Variants in UBE2E2 observed in about 807,000 individuals in gnomAD.
The protein encoded by UBE2E2 is ubiquitin-conjugating enzyme E2 E2.
In UBE2E2, 6 loss-of-function variants were observed where a neutral mutation model predicts 24.7. The observed-to-expected ratio is 0.24, with a 90% CI of 0.13 to 0.48. UBE2E2 has a LOEUF of 0.48. Among genes scored for constraint, UBE2E2 ranks in the 20% least tolerant of loss-of-function variants. The pLI is 0.99. For synonymous variants in UBE2E2, 104 were observed against 83.6 expected, an observed-to-expected ratio of 1.24 and a Z score of -1.33; for missense variants, 169 against 245.0, an observed-to-expected ratio of 0.69 and a Z score of 2.07.
chr3:23,285,883 A>G (rs1047762420), intron 3 of UBE2E2, among the ~76,000 whole-genome samples: 1 of 152,124 alleles, frequency 6.6e-6, no homozygotes, highest in African/African-American at 2.4e-5. Flanking sequence ...TTTTTAGTCA[A>G]GAGGGGTTTC....
At chr3:23,388,552 A>AT (rs1696860182) in intron 3 of UBE2E2, among the ~76,000 whole-genome samples, 2 of 152,108 alleles carry the variant, frequency 1.3e-5, no homozygotes, top group South Asian at 2.1e-4. Flanking sequence ...TATATGTAGC[A>AT]TTTTTTCATT....
intron 4 of UBE2E2, among the ~76,000 whole-genome samples, chr3:23,507,339 A>G (rs544115396): frequency 6.6e-6 from 1 of 152,150 alleles, no homozygotes; most frequent in East Asian, 1.9e-4. Context: ...TTGGTGTTAT[A>G]TATTTCTTTG....
intron 3 of UBE2E2, among the ~76,000 whole-genome samples, chr3:23,351,265 C>G (rs1418308291): frequency 6.6e-6 from 1 of 152,106 alleles, no homozygotes; most frequent in Non-Finnish European, 1.5e-5. Context: ...ACAACCGGTA[C>G]CAGCCACTGC....
chr3:23,226,354 T>C (rs935643910), intron 3 of UBE2E2, among the ~76,000 whole-genome samples: 1 of 152,220 alleles, frequency 6.6e-6, no homozygotes, highest in South Asian at 2.1e-4. Flanking sequence ...TTGTCACTAA[T>C]TATTTTTCTT....
At position 23,591,741 on chromosome 3, in the gene UBE2E2, G is replaced by A. The variant is rs545993204; in HGVS notation, c.*1910G>A. 6.6e-5 allele frequency: 10 copies of A among 152,322 alleles called. No homozygotes were observed. The highest frequency in any genetic ancestry group is 1.9e-4 in the African/African-American group (8 of 41,576). 9.4% of individuals were successfully genotyped at this position (152,322 alleles called of 1,614,324 possible). A position where few individuals can be genotyped will look rare whatever the true frequency, so the allele number is the denominator to read the frequency against. On this transcript the variant is annotated 3_prime_UTR_variant, in exon 6 of 6. Transcript: ENST00000396703. ...GGGGGCTGGATGAAAAACAAATAAC[G>A]ATGTGTCATTTCTTTCTTTAACATA...
rs1697750024 is a variant in UBE2E2 at position 23,257,230 on chromosome 3, G to A, written c.227+39918G>A. Among the ~76,000 whole-genome samples, 5 of 152,286 alleles carry A rather than the reference G, an allele frequency of 3.3e-5. No individual in the cohort carries two copies. The South Asian group carries it at 1.0e-3, about 32-fold the overall frequency. On this transcript the variant is annotated intron_variant, in intron 3 of 5. Transcript: ENST00000396703. ...ATGTTATCATCTAAATGGAATGGAT[G>A]TAATGACACCCAGAGCACATGGCTC...
At position 23,354,416 on chromosome 3, in the gene UBE2E2, A is replaced by C. The variant is rs1051214363; in HGVS notation, c.227+137104A>C. 3.9e-5 allele frequency among the ~76,000 whole-genome samples: 6 copies of C among 152,366 alleles called. No individual in the cohort carries two copies. The East Asian group carries it at 1.2e-3, about 29-fold the overall frequency. On this transcript the variant is annotated intron_variant, in intron 3 of 5. Transcript: ENST00000396703. The stretch of plus-strand genomic sequence containing the variant: ...TCTAATTAAAGAGCTTCTGCACAGC[A>C]AAAGAAACTACCATCAGAGTGAACA...
chr3:23,227,295 C>T (rs1559447259), intron 3 of UBE2E2, among the ~76,000 whole-genome samples: 1 of 152,112 alleles, frequency 6.6e-6, no homozygotes, highest in Non-Finnish European at 1.5e-5. Context: ...TTTTTCTACC[C>T]TTTTCCCTCT....
At chr3:23,338,613 G>A (rs116826817) in intron 3 of UBE2E2, among the ~76,000 whole-genome samples, 2,069 of 152,190 alleles carry the variant, frequency 0.014, 40 homozygotes, top group African/African-American at 0.046. Context: ...CTGGGACTGG[G>A]ACTGGGGAAG....
At chr3:23,333,009 T>A (rs757703529) in intron 3 of UBE2E2, among the ~76,000 whole-genome samples, 2 of 152,194 alleles carry the variant, frequency 1.3e-5, no homozygotes, top group Non-Finnish European at 2.9e-5. Flanking sequence ...TTGTGAAAAT[T>A]ACTAGGAAAA....
chr3:23,494,065 G>A (rs1210966914), intron 3 of UBE2E2, among the ~76,000 whole-genome samples: 1 of 152,206 alleles, frequency 6.6e-6, no homozygotes, highest in African/African-American at 2.4e-5. Context: ...CCAAGGCTAG[G>A]ATTCAGACAA....
chr3:23,273,966 G>T (rs748906197), intron 3 of UBE2E2: 10 of 152,152 alleles, frequency 6.6e-5, no homozygotes, highest in Admixed American at 2.6e-4. Context: ...TAACAAACTT[G>T]ATTCTTCTTA....
chr3:23,334,346 T>G (rs1222968170), intron 3 of UBE2E2, among the ~76,000 whole-genome samples: 1 of 152,144 alleles, frequency 6.6e-6, no homozygotes, highest in Non-Finnish European at 1.5e-5. Flanking sequence ...AGAAATCTCT[T>G]TGTCTTTGTC....
At chr3:23,555,345 T>C (rs1695751937) in intron 5 of UBE2E2, among the ~76,000 whole-genome samples, 2 of 152,112 alleles carry the variant, frequency 1.3e-5, no homozygotes, top group Admixed American at 1.3e-4. Context: ...TCGCACCTAT[T>C]AGGATGGCTG....
At chr3:23,437,139 C>T (rs572757986) in intron 3 of UBE2E2, among the ~76,000 whole-genome samples, 15 of 152,314 alleles carry the variant, frequency 9.8e-5, no homozygotes, top group African/African-American at 3.4e-4. Context: ...GCCACGTTGG[C>T]CTTCCTTCCA....
chr3:23,441,881 A>G lies in UBE2E2; in HGVS notation c.228-57727A>G, dbSNP rs879759933. Among the ~76,000 whole-genome samples, 60 of 152,226 alleles carry G rather than the reference A, an allele frequency of 3.9e-4. 1 individual carries two copies. The highest frequency in any genetic ancestry group is 2.4e-3 in the Admixed American group (36 of 15,282). ...TCTTCATTTGGGTCGTTTAAAACACATTTGCTTTTGGTGTACCACTTATAT... is the reference window on the plus strand; with the variant it reads ...TCTTCATTTGGGTCGTTTAAAACACGTTTGCTTTTGGTGTACCACTTATAT... On this transcript the variant is annotated intron_variant, in intron 3 of 5. Transcript: ENST00000396703.
intron 5 of UBE2E2, among the ~76,000 whole-genome samples, chr3:23,553,005 C>A (rs1575702680): frequency 6.6e-6 from 1 of 151,894 alleles, no homozygotes; most frequent in South Asian, 2.1e-4. Context: ...TTTGATAAAC[C>A]CTTTCTTATT....
chr3:23,431,882 G>T (rs1698069723), intron 3 of UBE2E2, among the ~76,000 whole-genome samples: 1 of 152,086 alleles, frequency 6.6e-6, no homozygotes, highest in Non-Finnish European at 1.5e-5. Flanking sequence ...GGCCAACTTG[G>T]CCCACATACT....
chr3:23,445,934 G>C (rs560574439), intron 3 of UBE2E2, among the ~76,000 whole-genome samples: 1 of 152,166 alleles, frequency 6.6e-6, no homozygotes, highest in South Asian at 2.1e-4. Flanking sequence ...TTCTCTTTTG[G>C]TGCTTGCCAG....
Sources: allele counts gnomAD v4.1 joint callset (sites outside exome capture counted in the v4.1 genomes callset), GRCh38; gene constraint gnomAD v4.1.1; transcripts MANE v1.5; gene names NCBI Gene and HGNC (gene_info 2026-07-23, HGNC 2026-07-21).